ZNF667: variants seen among roughly 807,000 people sequenced by gnomAD.
ZNF667 encodes the protein myocardial ischemic preconditioning upregulated 1 ortholog.
A neutral mutation model predicts 31.8 loss-of-function variants in ZNF667; 13 were observed. That is an observed-to-expected ratio of 0.41 (90% confidence interval 0.27 to 0.65). The LOEUF (loss-of-function observed/expected upper bound fraction) is 0.65. Among genes scored for constraint, ZNF667 ranks in the 30% least tolerant of loss-of-function variants. The pLI, the probability that ZNF667 is intolerant of heterozygous loss-of-function variation, is 0.32. For missense variants in ZNF667, 642 were observed against 725.6 expected (o/e 0.88, Z 1.32); for synonymous variants, 228 against 247.1 (o/e 0.92, Z 0.73).
chr19:56,441,741 C>G lies in ZNF667; in HGVS notation c.1254G>C (p.Lys418Asn). Residue 418 changes from lysine (K) to asparagine (N), a missense_variant, in exon 7 of 7, where the codon AAG becomes AAC. Coordinates refer to ENST00000504904, the MANE Select transcript of ZNF667 (RefSeq NM_001321356.2). This position sits in a 1 kb window ranked among gnomAD's most constrained non-coding sequence, Gnocchi z 4.2. ...HTKKKKLFEC[K>N]ECGKMFSGTA... ...TTCCAGAAAACATCTTCCCACATTC[C>G]TTACACTCAAATAGTTTCTTTTTCT... 1 of 1,614,108 alleles carries G rather than the reference C, an allele frequency of 6.2e-7. No homozygotes were observed. The highest frequency in any genetic ancestry group is 8.5e-7 in the Non-Finnish European group (1 of 1,180,016).
At position 56,440,668 on chromosome 19, in the gene ZNF667, G is replaced by A; in HGVS notation, c.*494C>T. Reference sequence around the variant, plus strand: ...TTTTTTTTTTTTGACACAGAGTCTTGCTCTGTTGCCCAGACTGGAGTGCAG... The same window carrying A: ...TTTTTTTTTTTTGACACAGAGTCTTACTCTGTTGCCCAGACTGGAGTGCAG... On this transcript the variant is annotated 3_prime_UTR_variant, in exon 7 of 7. Coordinates refer to ENST00000504904, the MANE Select transcript of ZNF667 (RefSeq NM_001321356.2). 3 of 854,092 alleles carry A rather than the reference G, an allele frequency of 3.5e-6. No homozygotes were observed. Among genetic ancestry groups the A allele is most frequent in the Non-Finnish European group, 4.2e-6 (3 of 713,778 alleles). 52.9% of individuals were successfully genotyped at this position (854,092 alleles called of 1,614,324 possible). A position where few individuals can be genotyped will look rare whatever the true frequency, so the allele number is the denominator to read the frequency against.
intron 3 of ZNF667, among the ~76,000 whole-genome samples, chr19:56,467,264 A>G (rs915699767): frequency 1.3e-5 from 2 of 152,160 alleles, no homozygotes; most frequent in African/African-American, 4.8e-5. Context: ...CCACCCCCCC[A>G]AAGATATGGA....
At chr19:56,456,457 TTCACAATTGTGAGACC>T (rs1436027982) in intron 6 of ZNF667, among the ~76,000 whole-genome samples, 1 of 152,146 alleles carries the variant, frequency 6.6e-6, no homozygotes, top group Non-Finnish European at 1.5e-5. Flanking sequence ...TTTGTGAAAT[TTCACAATTGTGAGACC>T]TCGCAATTGT....
At chr19:56,453,715 T>C (rs561669970) in intron 6 of ZNF667, among the ~76,000 whole-genome samples, 4 of 152,236 alleles carry the variant, frequency 2.6e-5, no homozygotes, top group Admixed American at 1.3e-4. Context: ...GACAGACCCA[T>C]GGCTAGTATA....
At chr19:56,472,627 A>G (rs1334698567) in intron 2 of ZNF667, 2 of 151,978 alleles carry the variant, frequency 1.3e-5, no homozygotes, top group Non-Finnish European at 2.9e-5. Flanking sequence ...ACTCTACTTC[A>G]TGAACAGTAA....
rs1600390459 is a variant in ZNF667 at position 56,439,431 on chromosome 19, C to T, written c.*1731G>A. 1 of 152,216 alleles carries T rather than the reference C, an allele frequency of 6.6e-6. No individual in the cohort carries two copies. Among genetic ancestry groups the T allele is most frequent in the Non-Finnish European group, 1.5e-5 (1 of 68,030 alleles). The allele number at this position is 152,216 out of a possible 1,614,324, so 9.4% of individuals were successfully genotyped here. On this transcript the variant is annotated 3_prime_UTR_variant, in exon 7 of 7. Transcript: ENST00000504904. ...TGTTGAACTGCTGACAGGAAAAGAA[C>T]CCAGTAGATAAATCTAGGCTTTCCA... is the stretch of plus-strand genomic sequence containing the variant.
intron 3 of ZNF667, chr19:56,469,803 A>T: frequency 5.0e-6 from 2 of 399,666 alleles, no homozygotes; most frequent in South Asian, 3.7e-5. Context: ...GCCTTAGACC[A>T]GCATCCAGCA....
At chr19:56,454,717 A>G (rs1007699217) in intron 6 of ZNF667, among the ~76,000 whole-genome samples, 2 of 90,734 alleles carry the variant, frequency 2.2e-5, no homozygotes, top group African/African-American at 7.0e-5. Flanking sequence ...AAACAATCAA[A>G]CTACTAAAAC....
At chr19:56,459,862 C>T (rs1011643666) in intron 5 of ZNF667, among the ~76,000 whole-genome samples, 2 of 152,040 alleles carry the variant, frequency 1.3e-5, no homozygotes, top group African/African-American at 4.8e-5. Context: ...TGTGATGGAG[C>T]GTGCCTGTAA....
At chr19:56,444,100 T>G (rs534763974) in intron 6 of ZNF667, 114 of 396,800 alleles carry the variant, frequency 2.9e-4, no homozygotes, top group Middle Eastern at 1.3e-3. Context: ...TATATTAGGT[T>G]AAATACATAT....
At chr19:56,452,273 C>T (rs2042846913) in intron 6 of ZNF667, among the ~76,000 whole-genome samples, 1 of 152,114 alleles carries the variant, frequency 6.6e-6, no homozygotes, top group Non-Finnish European at 1.5e-5. Context: ...TGGTTTCGAA[C>T]TCCTGACCTC....
chr19:56,468,471 C>G (rs2043214243), intron 3 of ZNF667: 1 of 152,238 alleles, frequency 6.6e-6, no homozygotes, highest in Non-Finnish European at 1.5e-5. Context: ...TTCGAGTTGT[C>G]CCACCTTTCT....
At chr19:56,477,556 C>G (rs990747138), upstream of ZNF667, 1 of 152,208 alleles carries the variant, frequency 6.6e-6, no homozygotes, top group South Asian at 2.1e-4. Flanking sequence ...CGCGCGAGGT[C>G]CCGCGCCTGC....
intron 6 of ZNF667, among the ~76,000 whole-genome samples, chr19:56,448,842 A>G (rs1490179162): frequency 6.6e-6 from 1 of 152,210 alleles, no homozygotes; most frequent in Admixed American, 6.5e-5. Context: ...TGGTAGCCAC[A>G]GGCCTTGGGC....
At chr19:56,458,371 C>G in intron 5 of ZNF667, 124 bp from the exon 6 acceptor site, 1 of 750,888 alleles carries the variant, frequency 1.3e-6, no homozygotes, top group South Asian at 1.5e-5. Context: ...ATGTGAAGGG[C>G]AGCTGGAGAA....
intron 2 of ZNF667, chr19:56,473,185 G>C (rs889165188): frequency 6.6e-6 from 1 of 152,194 alleles, no homozygotes; most frequent in African/African-American, 2.4e-5. Context: ...GTAAGGGGTG[G>C]GCCTGCAGCA....
At chr19:56,442,933 C>A (rs2042647273) in intron 6 of ZNF667, among the ~76,000 whole-genome samples, 192 bp from the exon 7 acceptor site, 1 of 152,038 alleles carries the variant, frequency 6.6e-6, no homozygotes, top group Non-Finnish European at 1.5e-5. Context: ...AACCAGAGTT[C>A]AGAAGAGTGT....
intron 3 of ZNF667, chr19:56,469,834 T>C (rs1411557943): frequency 4.7e-6 from 2 of 429,272 alleles, no homozygotes; most frequent in Non-Finnish European, 9.4e-6. Context: ...GCTTAAGTGT[T>C]TGCTAACTGA....
intron 6 of ZNF667, among the ~76,000 whole-genome samples, chr19:56,450,984 A>G (rs1017662347): frequency 1.3e-5 from 2 of 152,218 alleles, no homozygotes; most frequent in Non-Finnish European, 2.9e-5. Flanking sequence ...GTAGGTCTCT[A>G]CTTATAAATA....
Sources: allele counts gnomAD v4.1 joint callset (sites outside exome capture counted in the v4.1 genomes callset), GRCh38; gene constraint gnomAD v4.1.1; non-coding constraint Gnocchi (gnomAD v3.1); transcripts MANE v1.5; gene names NCBI Gene and HGNC (gene_info 2026-07-23, HGNC 2026-07-21).